The following PDE1A variants were observed in gnomAD, a reference collection of about 807,000 sequenced individuals.
PDE1A encodes the protein dual specificity calcium/calmodulin-dependent 3',5'-cyclic nucleotide phosphodiesterase 1A.
Under a neutral mutation model 61.7 loss-of-function variants are expected in PDE1A, and 35 were observed. The observed-to-expected ratio is 0.57, with a 90% confidence interval of 0.43 to 0.75. The LOEUF is 0.75. Among genes scored for constraint, PDE1A ranks in the 30% least tolerant of loss-of-function variants. The pLI is 0.00. For missense variants in PDE1A, 597 were observed against 630.6 expected, an observed-to-expected ratio of 0.95 and a Z score of 0.57; for synonymous variants, 232 against 213.2, an observed-to-expected ratio of 1.09 and a Z score of -0.77.
chr2:182,157,728 A>G (rs1215090667), intron 13 of PDE1A, among the ~76,000 whole-genome samples: 1 of 152,212 alleles, frequency 6.6e-6, no homozygotes, highest in Non-Finnish European at 1.5e-5. Flanking sequence ...GCATAATCCA[A>G]AATTCTAGGA....
At chr2:182,287,904 T>C (rs1374071837) in intron 1 of PDE1A, among the ~76,000 whole-genome samples, 2 of 152,180 alleles carry the variant, frequency 1.3e-5, no homozygotes, top group African/African-American at 4.8e-5. Flanking sequence ...ACTTAATTTT[T>C]CAGCCTGGAA....
intron 7 of PDE1A, among the ~76,000 whole-genome samples, chr2:182,209,723 C>T (rs895147172): frequency 5.9e-5 from 9 of 151,892 alleles, no homozygotes; most frequent in African/African-American, 1.9e-4. Context: ...CCTCTCTTGC[C>T]ACCATGTGAA....
At chr2:182,676,824 T>C in the PDE1A span, among the ~76,000 whole-genome samples, 2 of 152,172 alleles carry the variant, frequency 1.3e-5, no homozygotes, top group African/African-American at 4.8e-5. Flanking sequence ...CAAATGATTA[T>C]CTCAATAGAT....
At chr2:182,526,348 T>C (rs950633756), upstream of PDE1A, among the ~76,000 whole-genome samples, 2 of 152,168 alleles carry the variant, frequency 1.3e-5, no homozygotes, top group African/African-American at 4.8e-5. Flanking sequence ...TGTAAGGACA[T>C]TTATCAAACA....
chr2:182,666,770 C>A, the PDE1A span, among the ~76,000 whole-genome samples: 2 of 152,162 alleles, frequency 1.3e-5, no homozygotes, highest in South Asian at 4.1e-4. Flanking sequence ...CTATCTAAGC[C>A]TTTGTCTATC....
At chr2:182,301,068 A>G (rs1695211260) in intron 1 of PDE1A, among the ~76,000 whole-genome samples, 1 of 152,194 alleles carries the variant, frequency 6.6e-6, no homozygotes, top group Non-Finnish European at 1.5e-5. Context: ...TCATCTAGCA[A>G]TATTATCCAA....
chr2:182,220,177 G>A (rs976559172), intron 7 of PDE1A, among the ~76,000 whole-genome samples: 1 of 151,816 alleles, frequency 6.6e-6, no homozygotes, highest in African/African-American at 2.4e-5. Context: ...GCCTAAAAAG[G>A]ATTTAATGAA....
intron 1 of PDE1A, among the ~76,000 whole-genome samples, chr2:182,358,198 T>A: frequency 6.6e-6 from 1 of 152,204 alleles, no homozygotes; most frequent in East Asian, 1.9e-4. Flanking sequence ...AGTGTTCGTA[T>A]GTTAGGGTTC....
At chr2:182,373,539 A>G (rs1700232829) in intron 1 of PDE1A, among the ~76,000 whole-genome samples, 1 of 152,244 alleles carries the variant, frequency 6.6e-6, no homozygotes. Context: ...TCATTGTTTT[A>G]AAGTTCTCAC....
At chr2:182,181,937 C>A (rs1684798326) in intron 13 of PDE1A, among the ~76,000 whole-genome samples, 1 of 152,174 alleles carries the variant, frequency 6.6e-6, no homozygotes, top group South Asian at 2.1e-4. Flanking sequence ...TCCTTCATTC[C>A]TGTGGTGATT....
chr2:182,304,262 T>C (rs1695436622), intron 1 of PDE1A, among the ~76,000 whole-genome samples: 1 of 152,192 alleles, frequency 6.6e-6, no homozygotes, highest in Non-Finnish European at 1.5e-5. Context: ...CACCTCTCTC[T>C]ATCTTCATAT....
intron 2 of PDE1A, among the ~76,000 whole-genome samples, chr2:182,442,654 G>A (rs1684869068): frequency 6.6e-6 from 1 of 151,800 alleles, no homozygotes; most frequent in East Asian, 1.9e-4. Context: ...ATGATAAATG[G>A]GGCAAAACAT....
the PDE1A span, among the ~76,000 whole-genome samples, chr2:182,635,651 A>G: frequency 6.7e-6 from 1 of 148,546 alleles, no homozygotes; most frequent in Admixed American, 6.8e-5. Flanking sequence ...TCATTTATGG[A>G]TCACTTTGTT....
At chr2:182,220,530 G>C (rs1314852600) in intron 7 of PDE1A, among the ~76,000 whole-genome samples, 4 of 152,142 alleles carry the variant, frequency 2.6e-5, no homozygotes, top group African/African-American at 9.6e-5. Flanking sequence ...AATGCAGCAT[G>C]GTCTAATGTT....
chr2:182,498,771 C>T (rs1174293630), intron 2 of PDE1A, among the ~76,000 whole-genome samples: 2 of 151,724 alleles, frequency 1.3e-5, no homozygotes, highest in African/African-American at 4.8e-5. Context: ...GGTGAAACCC[C>T]GTCTTTACTA....
chr2:182,256,862 GTCTA>G (rs1477726279), intron 2 of PDE1A, among the ~76,000 whole-genome samples: 1 of 152,176 alleles, frequency 6.6e-6, no homozygotes, highest in Non-Finnish European at 1.5e-5. Context: ...CAGTAGATTG[GTCTA>G]TCTCTGTTTT....
intron 1 of PDE1A, among the ~76,000 whole-genome samples, chr2:182,303,437 G>T (rs1285130773): frequency 1.3e-5 from 2 of 152,274 alleles, no homozygotes; most frequent in African/African-American, 2.4e-5. Context: ...CAAGCAATGG[G>T]TCTCAACAGT....
chr2:182,492,932 T>G (rs1166203613), intron 2 of PDE1A, among the ~76,000 whole-genome samples: 1 of 152,060 alleles, frequency 6.6e-6, no homozygotes, highest in Non-Finnish European at 1.5e-5. Flanking sequence ...CTACACAGTT[T>G]CCAGGCTTAG....
chr2:182,562,801 G>C, the PDE1A span, among the ~76,000 whole-genome samples: 6 of 152,140 alleles, frequency 3.9e-5, no homozygotes, highest in African/African-American at 9.7e-5. Flanking sequence ...TATATGTCAA[G>C]GAATTTATCC....
Sources: gnomAD v4.1 joint callset for allele counts (sites outside exome capture counted in the v4.1 genomes callset) on GRCh38, gnomAD v4.1.1 for gene constraint, MANE v1.5 for transcripts, NCBI Gene and HGNC (gene_info 2026-07-23, HGNC 2026-07-21) for gene names.